DAB1: variants seen among roughly 807,000 people sequenced by gnomAD.
DAB1 encodes DAB adaptor protein 1, also known as disabled homolog 1.
In DAB1, 15 loss-of-function variants were observed where a neutral mutation model predicts 64.6. The observed-to-expected ratio is 0.23, with a 90% CI of 0.16 to 0.36. The LOEUF (loss-of-function observed/expected upper bound fraction) is 0.36, where lower values mean the gene tolerates loss of function less well. Among genes scored for constraint, DAB1 ranks in the 10% least tolerant of loss-of-function variants. The pLI, the probability that DAB1 is intolerant of heterozygous loss-of-function variation, is 1.00. For missense variants in DAB1, 596 were observed against 706.7 expected (o/e 0.84, Z 1.78); for synonymous variants, 235 against 251.9 (o/e 0.93, Z 0.64).
chr1:57,042,505 C>A (rs1437444714), intron 9 of DAB1, among the ~76,000 whole-genome samples: 3 of 152,126 alleles, frequency 2.0e-5, no homozygotes, highest in Non-Finnish European at 4.4e-5. Flanking sequence ...CTTGGCATCA[C>A]ACATGTCCAG....
At chr1:57,667,526 C>T (rs1646462571) in intron 6 of DAB1, among the ~76,000 whole-genome samples, 1 of 152,064 alleles carries the variant, frequency 6.6e-6, no homozygotes, top group Non-Finnish European at 1.5e-5. Flanking sequence ...TTGTGTACTG[C>T]CATGTCTCCA....
At chr1:57,938,186 C>T (rs1045954597) in intron 5 of DAB1, among the ~76,000 whole-genome samples, 2 of 152,162 alleles carry the variant, frequency 1.3e-5, no homozygotes, top group African/African-American at 4.8e-5. Flanking sequence ...AGGCACAGGG[C>T]CTTTCTGAAC....
intron 2 of DAB1, among the ~76,000 whole-genome samples, chr1:58,517,184 G>A (rs2100441539): frequency 6.6e-6 from 1 of 152,298 alleles, no homozygotes; most frequent in Middle Eastern, 3.4e-3. Flanking sequence ...ATGTGGAGGA[G>A]ACAAGAGCTC....
At chr1:57,045,585 C>G (rs1648369041) in intron 9 of DAB1, among the ~76,000 whole-genome samples, 1 of 152,090 alleles carries the variant, frequency 6.6e-6, no homozygotes, top group African/African-American at 2.4e-5. Context: ...GTAATCCCAG[C>G]TACTTGGGAG....
chr1:58,357,802 G>T (rs1317297765), intron 3 of DAB1, among the ~76,000 whole-genome samples: 1 of 44,830 alleles, frequency 2.2e-5, no homozygotes, highest in Non-Finnish European at 5.7e-5. Context: ...ACAGGACAGA[G>T]ACCTGTGAAA....
At chr1:57,171,183 TAACATCA>T (rs1661721195) in intron 2 of DAB1, among the ~76,000 whole-genome samples, 1 of 152,156 alleles carries the variant, frequency 6.6e-6, no homozygotes, top group African/African-American at 2.4e-5. Flanking sequence ...TTTTTCCATG[TAACATCA>T]ACAGAAAGCA....
At chr1:57,552,364 A>T (rs1231957039) in intron 7 of DAB1, among the ~76,000 whole-genome samples, 1 of 152,196 alleles carries the variant, frequency 6.6e-6, no homozygotes, top group Non-Finnish European at 1.5e-5. Flanking sequence ...TTCTGCTTTC[A>T]ATTAACTCAC....
chr1:57,948,308 G>A (rs903142199), intron 5 of DAB1, among the ~76,000 whole-genome samples: 1 of 152,128 alleles, frequency 6.6e-6, no homozygotes, highest in Non-Finnish European at 1.5e-5. Context: ...GTTAACATTG[G>A]TTTTCTCAGC....
At chr1:57,281,891 T>C (rs998845274) in intron 2 of DAB1, among the ~76,000 whole-genome samples, 3 of 152,028 alleles carry the variant, frequency 2.0e-5, no homozygotes, top group African/African-American at 7.2e-5. Flanking sequence ...TTGAGGATGT[T>C]AGGAAACTCA....
chr1:57,136,513 T>G (rs1485871657), intron 4 of DAB1, 30 bp downstream of exon 4: 1 of 1,333,814 alleles, frequency 7.5e-7, no homozygotes, highest in Non-Finnish European at 1.0e-6. Context: ...TGGATAAAAT[T>G]TCACAATGCC....
intron 5 of DAB1, among the ~76,000 whole-genome samples, chr1:57,928,900 C>T (rs139570226): frequency 9.1e-4 from 138 of 152,248 alleles, no homozygotes; most frequent in African/African-American, 3.0e-3. Context: ...CTATAAGCAT[C>T]CATGTGTAAG....
chr1:57,919,861 A>G (rs1354235552), intron 5 of DAB1, among the ~76,000 whole-genome samples: 1 of 152,214 alleles, frequency 6.6e-6, no homozygotes, highest in African/African-American at 2.4e-5. Context: ...GTAGTTCTGC[A>G]TGTGTGCACG....
chr1:57,229,260 C>A (rs1447450086), intron 2 of DAB1, among the ~76,000 whole-genome samples: 2 of 148,716 alleles, frequency 1.3e-5, no homozygotes, highest in African/African-American at 5.0e-5. Flanking sequence ...ATGATATGAT[C>A]GTGGCTCACT....
rs186889109 is a variant in DAB1, at chr1:57,179,245, C to T, written c.68-33816G>A. ...TTCCAGGCAGTGGTGCTCAAAGAGG[C>T]CCCCACTGCTTGTATTTAAATGAGA... is the stretch of plus-strand genomic sequence containing the variant. On this transcript the variant is annotated intron_variant, in intron 2 of 14. Coordinates refer to ENST00000371236, the MANE Select transcript of DAB1 (RefSeq NM_001365792.1). Among the ~76,000 whole-genome samples, 585 of 152,190 alleles carry T rather than the reference C, an allele frequency of 3.8e-3. 2 individuals carry two copies. The highest frequency in any genetic ancestry group is 6.8e-3 in the Middle Eastern group (2 of 294).
intron 5 of DAB1, among the ~76,000 whole-genome samples, chr1:57,973,347 C>G (rs1451399931): frequency 1.3e-5 from 2 of 152,132 alleles, no homozygotes; most frequent in Admixed American, 1.3e-4. Flanking sequence ...GATTTAGGCC[C>G]AGTGAAATTG....
rs567718163 is a variant in DAB1 at position 58,263,881 on chromosome 1, A to G, written n.309+79471T>C. Among the ~76,000 whole-genome samples, 5 of 152,374 alleles carry G rather than the reference A, an allele frequency of 3.3e-5. No individual in the cohort carries two copies. In the South Asian group the frequency reaches 1.0e-3, roughly 32 times the overall value. ...TTCTTATTCTGAAACAAAGCACAACATAAATGAATGTTGGAATACAAATTG... is the reference window on the plus strand; with the variant it reads ...TTCTTATTCTGAAACAAAGCACAACGTAAATGAATGTTGGAATACAAATTG... On this transcript the variant is annotated intron_variant and non_coding_transcript_variant, in intron 4 of 20. Coordinates refer to the DAB1 transcript ENST00000485760.
intron 7 of DAB1, among the ~76,000 whole-genome samples, chr1:57,599,539 C>T (rs578127119): frequency 1.3e-5 from 2 of 152,012 alleles, no homozygotes; most frequent in East Asian, 2.0e-4. Flanking sequence ...AGCGGGAGCT[C>T]GAGTAAGTTA....
chr1:57,571,189 C>T (rs905691063), intron 7 of DAB1, among the ~76,000 whole-genome samples: 13 of 152,074 alleles, frequency 8.5e-5, no homozygotes, highest in Admixed American at 1.3e-4. Flanking sequence ...TTTGGGTGCC[C>T]TTTATTTTTT....
At chr1:58,493,886 A>C (rs199842507) in intron 3 of DAB1, among the ~76,000 whole-genome samples, 5 of 150,734 alleles carry the variant, frequency 3.3e-5, no homozygotes, top group Admixed American at 3.3e-4. Flanking sequence ...CAAGCTACCA[A>C]TGACTTTCTT....
Sources: allele counts gnomAD v4.1 joint callset (sites outside exome capture counted in the v4.1 genomes callset), GRCh38; gene constraint gnomAD v4.1.1; transcripts MANE v1.5; gene names NCBI Gene and HGNC (gene_info 2026-07-23, HGNC 2026-07-21).